PXK: variants seen among roughly 807,000 people sequenced by gnomAD.
The protein encoded by PXK is PX domain containing serine/threonine kinase like.
In PXK, 35 loss-of-function variants were observed where a neutral mutation model predicts 84.7. The observed-to-expected ratio is 0.41, with a 90% CI of 0.32 to 0.55. The LOEUF (loss-of-function observed/expected upper bound fraction) is 0.55, where lower values mean the gene tolerates loss of function less well. Among genes scored for constraint, PXK ranks in the 20% least tolerant of loss-of-function variants. The pLI, the probability that PXK is intolerant of heterozygous loss-of-function variation, is 0.21. For synonymous variants in PXK, 253 were observed against 260.8 expected (o/e 0.97, Z 0.29); for missense variants, 634 against 699.7 (o/e 0.91, Z 1.06).
At position 58,395,518 on chromosome 3, in the gene PXK, C is replaced by T. The variant is rs568853760; in HGVS notation, c.721-140C>T. On this transcript the variant is annotated intron_variant, in intron 8 of 17. Coordinates refer to ENST00000356151, the MANE Select transcript of PXK (RefSeq NM_017771.5). ...TCTTTCTATCAACAATGCAGACTGT[C>T]GTATTTTAAAAACTCACATCTTGCA... is the stretch of plus-strand genomic sequence containing the variant. The T allele has an allele frequency of 1.1e-4, 71 of 645,270 alleles. No individual in the cohort carries two copies. The African/African-American group carries it at 1.2e-3, about 11-fold the overall frequency. 40.0% of individuals were successfully genotyped at this position (645,270 alleles called of 1,614,324 possible).
At chr3:58,408,866 C>A in intron 13 of PXK, 58 bp from the exon 14 acceptor site, 1 of 1,315,870 alleles carries the variant, frequency 7.6e-7, no homozygotes, top group Admixed American at 1.7e-5. Context: ...TACTCCAGGA[C>A]TTGGAAGTAT....
At chr3:58,334,506 C>T (rs1045663526) in intron 1 of PXK, among the ~76,000 whole-genome samples, 4 of 152,128 alleles carry the variant, frequency 2.6e-5, no homozygotes, top group Non-Finnish European at 4.4e-5. Context: ...GTCTTATAAC[C>T]TTTCAGGGAA....
At chr3:58,357,262 G>C (rs1469599557) in intron 1 of PXK, among the ~76,000 whole-genome samples, 1 of 151,490 alleles carries the variant, frequency 6.6e-6, no homozygotes, top group Non-Finnish European at 1.5e-5. Flanking sequence ...CTGGGCAACA[G>C]AGCGAGACTC....
In PXK at chr3:58,346,151, A is replaced by C. The variant is rs114546988; in HGVS notation, c.102+13061A>C. Reference sequence around the variant, plus strand: ...TTGGTGAAGATTCTGGGGTGGGGTAAAAGATGGAAAAGAAAGGTTAGAGCC... The same window carrying C: ...TTGGTGAAGATTCTGGGGTGGGGTACAAGATGGAAAAGAAAGGTTAGAGCC... On this transcript the variant is annotated intron_variant, in intron 1 of 17. Coordinates refer to ENST00000356151, the MANE Select transcript of PXK (RefSeq NM_017771.5). 7.9e-4 allele frequency among the ~76,000 whole-genome samples: 121 copies of C among 152,258 alleles called. 1 individual carries two copies. Among genetic ancestry groups the C allele is most frequent in the African/African-American group, 2.8e-3 (118 of 41,532 alleles).
chr3:58,339,569 G>A (rs2107707879), intron 1 of PXK, among the ~76,000 whole-genome samples: 2 of 152,144 alleles, frequency 1.3e-5, no homozygotes, highest in South Asian at 4.2e-4. Context: ...ATGGGCTGGT[G>A]ATACTCAATC....
Position 58,398,653 on chromosome 3 carries a change from A to G in PXK, c.1103-646A>G, listed in dbSNP as rs2058097528. Among the ~76,000 whole-genome samples the G allele has an allele frequency of 6.6e-6, 1 of 152,164 alleles. No individual in the cohort carries two copies. Among genetic ancestry groups the G allele is most frequent in the Non-Finnish European group, 1.5e-5 (1 of 68,014 alleles). On this transcript the variant is annotated intron_variant, in intron 11 of 17. Coordinates refer to ENST00000356151, the MANE Select transcript of PXK (RefSeq NM_017771.5). This position sits in a 1 kb window ranked among gnomAD's most constrained non-coding sequence, Gnocchi z 4.5. ...GGACCCTTTCATCCCCTCCACAGCC[A>G]GGCTGGCACCCACAGCTGGAGCAGA... is the stretch of plus-strand genomic sequence containing the variant.
At chr3:58,376,165 A>T (rs771629974) in intron 3 of PXK, among the ~76,000 whole-genome samples, 18 of 152,214 alleles carry the variant, frequency 1.2e-4, no homozygotes, top group Admixed American at 9.8e-4. Context: ...CTGTAATTCC[A>T]GCACTTTGGG....
intron 1 of PXK, among the ~76,000 whole-genome samples, chr3:58,354,130 A>G (rs538605010): frequency 1.3e-5 from 2 of 152,324 alleles, no homozygotes; most frequent in African/African-American, 4.8e-5. Flanking sequence ...TTTCTAGTCA[A>G]GGCATCTATC....
chr3:58,389,679 A>G (rs55704295), intron 4 of PXK, among the ~76,000 whole-genome samples: 4 of 110,788 alleles, frequency 3.6e-5, no homozygotes, highest in African/African-American at 5.6e-5. Flanking sequence ...AAAACAAACA[A>G]AAAAAAAAAC....
At chr3:58,345,890 C>T (rs183160117) in intron 1 of PXK, among the ~76,000 whole-genome samples, 1 of 152,336 alleles carries the variant, frequency 6.6e-6, no homozygotes, top group East Asian at 1.9e-4. Flanking sequence ...CGTTGTTCAT[C>T]CTCTTCCAGA....
At chr3:58,354,285 C>G (rs2098014720) in intron 1 of PXK, among the ~76,000 whole-genome samples, 1 of 152,084 alleles carries the variant, frequency 6.6e-6, no homozygotes, top group Non-Finnish European at 1.5e-5. Context: ...AGGTTAGATA[C>G]CAACCGTACC....
rs955416590 is a variant in PXK at position 58,333,426 on chromosome 3, A to G, written c.102+336A>G. On this transcript the variant is annotated intron_variant, in intron 1 of 17. Transcript: ENST00000356151. This position sits in a 1 kb window ranked among gnomAD's most constrained non-coding sequence, Gnocchi z 5.4. ...CGGGCTCACCTTGGACTAGGGGAGC[A>G]GGAACGAGACCGCTCAGGACCATCC... is the stretch of plus-strand genomic sequence containing the variant. 11 of 346,726 alleles carry G rather than the reference A, an allele frequency of 3.2e-5. No homozygotes were observed. The highest frequency in any genetic ancestry group is 6.7e-5 in the Non-Finnish European group (11 of 163,924). 21.5% of individuals were successfully genotyped at this position (346,726 alleles called of 1,614,324 possible). A position where few individuals can be genotyped will look rare whatever the true frequency, so the allele number is the denominator to read the frequency against.
intron 2 of PXK, among the ~76,000 whole-genome samples, chr3:58,368,417 G>C (rs2098310981): frequency 6.6e-6 from 1 of 152,136 alleles, no homozygotes; most frequent in African/African-American, 2.4e-5. Flanking sequence ...CTGCCTCCTA[G>C]GCTCAAGCGA....
Position 58,368,331 on chromosome 3 carries a change from C to CT in PXK, c.154-1090dup, listed in dbSNP as rs537639217. Among the ~76,000 whole-genome samples the CT allele has an allele frequency of 1.0e-4, 15 of 148,584 alleles. No individual in the cohort carries two copies. In the East Asian group the frequency reaches 1.2e-3, roughly 12 times the overall value. ...AAGAATAACTCATTTGTGAGCCCTT[C>CT]TTTTTTTTTTAGACAGAGTCTCATT... On this transcript the variant is annotated intron_variant, in intron 2 of 17. Coordinates refer to ENST00000356151, the MANE Select transcript of PXK (RefSeq NM_017771.5).
chr3:58,392,546 C>T (rs1373858616), intron 7 of PXK, among the ~76,000 whole-genome samples: 1 of 152,120 alleles, frequency 6.6e-6, no homozygotes, highest in Non-Finnish European at 1.5e-5. Context: ...CATATAGTGT[C>T]TTGTCAAGCT....
intron 8 of PXK, 69 bp downstream of exon 8, chr3:58,395,171 C>G: frequency 8.9e-7 from 1 of 1,123,612 alleles, no homozygotes; most frequent in Non-Finnish European, 1.3e-6. Context: ...GATACTTAGT[C>G]TCTAAGACTC....
At chr3:58,340,721 G>T (rs547192163) in intron 1 of PXK, among the ~76,000 whole-genome samples, 1 of 148,738 alleles carries the variant, frequency 6.7e-6, no homozygotes, top group East Asian at 2.0e-4. Flanking sequence ...GGGAAACTCT[G>T]TCTCAAAAAA....
chr3:58,418,318 G>A (rs2061306796), intron 17 of PXK, among the ~76,000 whole-genome samples: 1 of 152,130 alleles, frequency 6.6e-6, no homozygotes. Flanking sequence ...TCCAGCTTAG[G>A]TCCATTTTAC....
At chr3:58,373,938 G>A (rs1349413014) in intron 3 of PXK, among the ~76,000 whole-genome samples, 1 of 151,616 alleles carries the variant, frequency 6.6e-6, no homozygotes, top group Non-Finnish European at 1.5e-5. Flanking sequence ...CCAGCTACTC[G>A]GGAGGCTGAG....
Sources: allele counts gnomAD v4.1 joint callset (sites outside exome capture counted in the v4.1 genomes callset), GRCh38; gene constraint gnomAD v4.1.1; non-coding constraint Gnocchi (gnomAD v3.1); transcripts MANE v1.5; gene names NCBI Gene and HGNC (gene_info 2026-07-23, HGNC 2026-07-21).